Variants in CHM observed in about 807,000 individuals in gnomAD.
CHM encodes rab proteins geranylgeranyltransferase component A 1.
Under a neutral mutation model 49.0 loss-of-function variants are expected in CHM, and 10 were observed. The observed-to-expected ratio is 0.20, with a 90% CI of 0.13 to 0.35. The LOEUF is 0.35. Among genes scored for constraint, CHM ranks in the 10% least tolerant of loss-of-function variants. The pLI is 1.00. For synonymous variants in CHM, 184 were observed against 167.5 expected (o/e 1.10, Z -0.76); for missense variants, 455 against 478.4 (o/e 0.95, Z 0.46).
intron 1 of CHM, among the ~76,000 whole-genome samples, chrX:86,046,126 A>G (rs773606039): frequency 1.8e-5 from 2 of 112,335 alleles, no homozygotes; most frequent in Non-Finnish European, 3.8e-5. Flanking sequence ...AAGGAAACTG[A>G]GGCTCAGAGA....
At chrX:85,974,530 G>T (rs1351057425) in intron 4 of CHM, among the ~76,000 whole-genome samples, 3 of 111,311 alleles carry the variant, frequency 2.7e-5, no homozygotes, top group African/African-American at 9.8e-5. Context: ...TGTGGTATTG[G>T]TGGAGGAAAA....
At chrX:86,041,671 T>C (rs1012046198) in intron 1 of CHM, among the ~76,000 whole-genome samples, 5 of 78,314 alleles carry the variant, frequency 6.4e-5, no homozygotes, top group Admixed American at 1.6e-4. Context: ...CAAAAACATA[T>C]GTGTGTATGT....
chrX:85,874,944 G>A (rs894110571), intron 13 of CHM, among the ~76,000 whole-genome samples: 3 of 111,667 alleles, frequency 2.7e-5, no homozygotes, highest in African/African-American at 9.8e-5. Context: ...GCTAAGGTCT[G>A]GAAAGTCTTT....
intron 4 of CHM, among the ~76,000 whole-genome samples, chrX:85,968,310 C>A (rs1294214313): frequency 8.9e-6 from 1 of 112,242 alleles, no homozygotes; most frequent in Non-Finnish European, 1.9e-5. Flanking sequence ...CAACCTAAAA[C>A]GTTAACACAT....
At chrX:86,021,132 A>G (rs1484812893) in intron 2 of CHM, among the ~76,000 whole-genome samples, 14 of 27,738 alleles carry the variant, frequency 5.0e-4, no homozygotes, top group Admixed American at 2.1e-3. Context: ...ATACGTATAT[A>G]TATATATATA....
In CHM at chrX:85,862,096, G is replaced by A. The variant is rs1163015560; in HGVS notation, c.*2534C>T. The A allele has an allele frequency of 8.9e-6, 1 of 111,946 alleles. No individual in the cohort carries two copies. The highest frequency in any genetic ancestry group is 2.8e-4 in the East Asian group (1 of 3,587). 9.2% of individuals were successfully genotyped at this position (111,946 alleles called of 1,213,427 possible). On this transcript the variant is annotated 3_prime_UTR_variant, in exon 15 of 15. Coordinates refer to ENST00000357749, the MANE Select transcript of CHM (RefSeq NM_000390.4). ...AGTTGTATGATATTTTAATCATCAT[G>A]AATCATGTTCAGGAACTTTTAAACA...
In CHM at chrX:86,039,056, G is replaced by C. The variant is rs1344731795; in HGVS notation, c.49+8428C>G. On this transcript the variant is annotated intron_variant, in intron 1 of 14. Transcript: ENST00000357749. ...CCTCAGGCTTCACATTTGAAAAATGGAGATGATATAGTATCTACTGCAGGG... is the reference window on the plus strand; with the variant it reads ...CCTCAGGCTTCACATTTGAAAAATGCAGATGATATAGTATCTACTGCAGGG... Among the ~76,000 whole-genome samples the C allele has an allele frequency of 2.7e-5, 3 of 112,436 alleles. No homozygotes were observed. In the East Asian group the frequency reaches 8.3e-4, roughly 31 times the overall value.
rs750896765 is a variant in CHM, at chrX:85,998,474, G to A, written c.117-16665C>T. 1.5e-4 allele frequency among the ~76,000 whole-genome samples: 17 copies of A among 111,774 alleles called. No individual in the cohort carries two copies. The South Asian group carries it at 6.4e-3, about 42-fold the overall frequency. ...TTGACTTATGATATAACATCCTGATGTACCCACAATAAGTTAAAAATATCA... is the reference window on the plus strand; with the variant it reads ...TTGACTTATGATATAACATCCTGATATACCCACAATAAGTTAAAAATATCA... On this transcript the variant is annotated intron_variant, in intron 2 of 14. Transcript: ENST00000357749.
At chrX:85,922,459 A>T (rs1206297243) in intron 8 of CHM, among the ~76,000 whole-genome samples, 3 of 112,413 alleles carry the variant, frequency 2.7e-5, no homozygotes, top group African/African-American at 6.5e-5. Flanking sequence ...ATTGGACGGC[A>T]TATGCCATAG....
intron 12 of CHM, among the ~76,000 whole-genome samples, chrX:85,889,873 A>C (rs1450587889): frequency 7.1e-5 from 8 of 112,130 alleles, no homozygotes; most frequent in Non-Finnish European, 1.3e-4. Flanking sequence ...GCAGCCATAA[A>C]ATCAAAGAAA....
intron 8 of CHM, among the ~76,000 whole-genome samples, chrX:85,951,018 G>A (rs376667835): frequency 8.9e-6 from 1 of 111,760 alleles, no homozygotes; most frequent in East Asian, 2.8e-4. Flanking sequence ...GCCTAGCATT[G>A]TTTACTCAGT....
chrX:85,919,140 T>C (rs779062581), intron 8 of CHM, among the ~76,000 whole-genome samples: 1 of 112,352 alleles, frequency 8.9e-6, no homozygotes, highest in Non-Finnish European at 1.9e-5. Flanking sequence ...CTTCATATTA[T>C]TGAATCAATT....
intron 11 of CHM, among the ~76,000 whole-genome samples, chrX:85,897,335 G>C (rs867386729): frequency 1.9e-5 from 2 of 104,368 alleles, no homozygotes; most frequent in African/African-American, 7.0e-5. Context: ...GTGTGTGTGT[G>C]TGTGTGTGTC....
chrX:85,963,146 A>G lies in CHM; in HGVS notation c.702+519T>C, dbSNP rs7890807. On this transcript the variant is annotated intron_variant, in intron 5 of 14. Transcript: ENST00000357749. The stretch of plus-strand genomic sequence containing the variant: ...CGTCATCTACATACCCATCATCTAC[A>G]TAAGTATTTCTCCTAATGCTATCCC... Among the ~76,000 whole-genome samples the G allele has an allele frequency of 9.1e-3, 1,017 of 111,341 alleles. 9 individuals are homozygous for G. The highest frequency in any genetic ancestry group is 0.031 in the African/African-American group (957 of 30,580).
intron 8 of CHM, among the ~76,000 whole-genome samples, chrX:85,935,593 G>A (rs1284693562): frequency 4.5e-5 from 5 of 111,558 alleles, no homozygotes. Context: ...ATAGACAAAC[G>A]TAACACAATG....
intron 2 of CHM, among the ~76,000 whole-genome samples, chrX:86,015,397 T>C (rs1270731086): frequency 3.6e-5 from 4 of 111,896 alleles, no homozygotes; most frequent in African/African-American, 1.3e-4. Flanking sequence ...ATCTTTTTCA[T>C]CTCAATCTCG....
rs111728911 is a variant in CHM, at chrX:85,957,835, C to G, written c.940+20G>C. On this transcript the variant is annotated intron_variant, in intron 7 of 14. Transcript: ENST00000357749. ...AGAAATGTCAAATAATTGGAGAGCA[C>G]TACTTAATGAAAAAAATACCTTTAT... The G allele has an allele frequency of 7.9e-3, 9,491 of 1,194,259 alleles. 507 individuals carry two copies. In the African/African-American group the frequency reaches 0.15, roughly 19 times the overall value.
chrX:85,987,906 A>T (rs1457624649), intron 2 of CHM, among the ~76,000 whole-genome samples: 1 of 111,975 alleles, frequency 8.9e-6, no homozygotes, highest in Non-Finnish European at 1.9e-5. Flanking sequence ...GACCAGATGG[A>T]TTCACAGCCG....
At chrX:85,991,874 G>T (rs931375511) in intron 2 of CHM, among the ~76,000 whole-genome samples, 1 of 111,225 alleles carries the variant, frequency 9.0e-6, no homozygotes, top group African/African-American at 3.3e-5. Flanking sequence ...GTTGAGTTTG[G>T]CATTTTATAT....
Sources: gnomAD v4.1 joint callset for allele counts (sites outside exome capture counted in the v4.1 genomes callset) on GRCh38, gnomAD v4.1.1 for gene constraint, MANE v1.5 for transcripts, NCBI Gene and HGNC (gene_info 2026-07-23, HGNC 2026-07-21) for gene names.